The following GRM8 variants were observed in gnomAD, a reference collection of about 807,000 sequenced individuals.
The protein encoded by GRM8 is metabotropic glutamate receptor 8.
Under a neutral mutation model 87.2 loss-of-function variants are expected in GRM8, and 47 were observed. That is an observed-to-expected ratio of 0.54 (90% CI 0.43 to 0.69). The LOEUF (loss-of-function observed/expected upper bound fraction) is 0.69. Among genes scored for constraint, GRM8 ranks in the 30% least tolerant of loss-of-function variants. The pLI is 0.00. For missense variants in GRM8, 1,019 were observed against 1,139.2 expected (o/e 0.89, Z 1.52); for synonymous variants, 396 against 404.5 (o/e 0.98, Z 0.25).
intron 2 of GRM8, among the ~76,000 whole-genome samples, chr7:127,125,630 T>G (rs1827319112): frequency 6.6e-6 from 1 of 151,774 alleles, no homozygotes; most frequent in South Asian, 2.1e-4. Flanking sequence ...AGTACTTAAT[T>G]AAACTAAAAA....
intron 8 of GRM8, among the ~76,000 whole-genome samples, chr7:126,555,764 A>G (rs1377749863): frequency 6.6e-6 from 1 of 152,220 alleles, no homozygotes. Flanking sequence ...GTACAGATGC[A>G]AATGCTCACT....
chr7:127,013,343 GC>G (rs1815081600), intron 3 of GRM8, among the ~76,000 whole-genome samples: 1 of 152,138 alleles, frequency 6.6e-6, no homozygotes, highest in African/African-American at 2.4e-5. Flanking sequence ...AGTCATGACA[GC>G]AGAGGCATGG....
At chr7:127,009,845 T>TC (rs1217661537) in intron 3 of GRM8, among the ~76,000 whole-genome samples, 2 of 151,038 alleles carry the variant, frequency 1.3e-5, no homozygotes, top group Non-Finnish European at 2.9e-5. Context: ...TATCTATATG[T>TC]CTTTTTTTTT....
At chr7:127,214,556 A>G (rs1161218370) in intron 2 of GRM8, among the ~76,000 whole-genome samples, 1 of 152,224 alleles carries the variant, frequency 6.6e-6, no homozygotes, top group East Asian at 1.9e-4. Flanking sequence ...GAGGAAACTT[A>G]CAATCATGGC....
At chr7:127,218,807 A>C (rs572030377) in intron 2 of GRM8, among the ~76,000 whole-genome samples, 2 of 152,342 alleles carry the variant, frequency 1.3e-5, no homozygotes, top group African/African-American at 4.8e-5. Flanking sequence ...ACATTATTTG[A>C]ACTTGAATGT....
chr7:126,771,025 CAA>C (rs552399176), intron 6 of GRM8, among the ~76,000 whole-genome samples: 107 of 152,032 alleles, frequency 7.0e-4, no homozygotes, highest in African/African-American at 2.5e-3. Flanking sequence ...ATTAAGGGAA[CAA>C]AAAATGATCT....
chr7:126,897,486 GGATGAA>G (rs990880335), intron 6 of GRM8, among the ~76,000 whole-genome samples: 15 of 151,988 alleles, frequency 9.9e-5, no homozygotes, highest in African/African-American at 2.9e-4. Flanking sequence ...GACAGGGAGA[GGATGAA>G]GATGCAATTC....
At chr7:127,225,314 C>A (rs1454030878) in intron 2 of GRM8, among the ~76,000 whole-genome samples, 1 of 152,236 alleles carries the variant, frequency 6.6e-6, no homozygotes, top group African/African-American at 2.4e-5. Flanking sequence ...GAAGGCTCTT[C>A]TCAAAGCCCG....
chr7:126,584,760 C>A (rs1795936609), intron 8 of GRM8, among the ~76,000 whole-genome samples: 1 of 152,044 alleles, frequency 6.6e-6, no homozygotes, highest in Admixed American at 6.6e-5. Flanking sequence ...CTGTTTTAGT[C>A]TACCTAATAG....
At chr7:126,470,751 C>G (rs553596555) in intron 9 of GRM8, among the ~76,000 whole-genome samples, 2 of 152,260 alleles carry the variant, frequency 1.3e-5, no homozygotes, top group African/African-American at 4.8e-5. Flanking sequence ...TTCTAGATCC[C>G]TGAGGAATGG....
At chr7:127,149,574 G>C (rs1387854276) in intron 2 of GRM8, among the ~76,000 whole-genome samples, 2 of 151,956 alleles carry the variant, frequency 1.3e-5, no homozygotes, top group Non-Finnish European at 1.5e-5. Context: ...TATACCCAAG[G>C]GAAATAAAAT....
At chr7:126,924,990 G>A (rs1804944992) in intron 3 of GRM8, among the ~76,000 whole-genome samples, 1 of 152,074 alleles carries the variant, frequency 6.6e-6, no homozygotes, top group African/African-American at 2.4e-5. Flanking sequence ...CACACACAGA[G>A]AAAGAAAAGA....
At chr7:126,962,470 T>C (rs956812686) in intron 3 of GRM8, among the ~76,000 whole-genome samples, 25 of 152,338 alleles carry the variant, frequency 1.6e-4, no homozygotes, top group African/African-American at 6.0e-4. Flanking sequence ...TTTCAATATA[T>C]TTCAACAAAA....
chr7:126,653,320 A>G (rs965344497), intron 7 of GRM8, among the ~76,000 whole-genome samples: 1 of 148,678 alleles, frequency 6.7e-6, no homozygotes, highest in African/African-American at 2.5e-5. Context: ...AAAAAAAGGC[A>G]AGGAGAGGGT....
At chr7:127,004,518 A>G (rs1009619564) in intron 3 of GRM8, among the ~76,000 whole-genome samples, 3 of 151,726 alleles carry the variant, frequency 2.0e-5, no homozygotes, top group African/African-American at 7.2e-5. Context: ...ATATGGTACA[A>G]CAAAGCTTCA....
chr7:126,508,255 A>G (rs1810791491), intron 9 of GRM8, among the ~76,000 whole-genome samples: 2 of 150,542 alleles, frequency 1.3e-5, no homozygotes, highest in South Asian at 2.1e-4. Context: ...ACACTGGCAC[A>G]CACACACACA....
intron 6 of GRM8, among the ~76,000 whole-genome samples, chr7:126,775,939 A>G (rs2151625565): frequency 6.6e-6 from 1 of 152,118 alleles, no homozygotes; most frequent in East Asian, 1.9e-4. Context: ...ATTACATAAG[A>G]TCTCCAAATG....
chr7:127,158,464 A>G (rs1792875960), intron 2 of GRM8, among the ~76,000 whole-genome samples: 1 of 152,236 alleles, frequency 6.6e-6, no homozygotes, highest in South Asian at 2.1e-4. Flanking sequence ...CCGCTATAAT[A>G]AAAATACCTT....
intron 9 of GRM8, among the ~76,000 whole-genome samples, chr7:126,487,851 A>T (rs533962852): frequency 6.6e-6 from 1 of 152,164 alleles, no homozygotes; most frequent in East Asian, 1.9e-4. Flanking sequence ...ACATTTTATC[A>T]TTGGCAACAA....
Sources: gnomAD v4.1 joint callset for allele counts (sites outside exome capture counted in the v4.1 genomes callset) on GRCh38, gnomAD v4.1.1 for gene constraint, MANE v1.5 for transcripts, NCBI Gene and HGNC (gene_info 2026-07-23, HGNC 2026-07-21) for gene names.